Variants in FOXP2 observed in about 807,000 individuals in gnomAD.
The protein encoded by FOXP2 is forkhead box protein P2.
A neutral mutation model predicts 115.8 loss-of-function variants in FOXP2; 12 were observed. That is an observed-to-expected ratio of 0.10 (90% confidence interval 0.07 to 0.17). The LOEUF (loss-of-function observed/expected upper bound fraction) is 0.17. Ranked by LOEUF, FOXP2 falls within the 10% of genes least tolerant of loss-of-function variation. The probability of loss-of-function intolerance (pLI) is 1.00; values close to 1 mark genes in which losing one functional copy is unlikely to be tolerated. For missense variants in FOXP2, 629 were observed against 843.5 expected (o/e 0.75, Z 3.15); for synonymous variants, 328 against 297.7 (o/e 1.10, Z -1.05).
chr7:114,198,587 G>T (rs1041959626), intron 1 of FOXP2, among the ~76,000 whole-genome samples: 3 of 152,210 alleles, frequency 2.0e-5, no homozygotes, highest in African/African-American at 4.8e-5. Context: ...TGCTGCTGCT[G>T]ATCTGACGGG....
At chr7:114,430,979 AC>A (rs1009438071) in intron 2 of FOXP2, among the ~76,000 whole-genome samples, 9 of 151,854 alleles carry the variant, frequency 5.9e-5, no homozygotes, top group African/African-American at 2.2e-4. Context: ...TTCTATTAAC[AC>A]TTTTTTCATA....
intron 3 of FOXP2, among the ~76,000 whole-genome samples, chr7:114,613,430 C>A (rs1803739275): frequency 6.6e-6 from 1 of 152,012 alleles, no homozygotes; most frequent in African/African-American, 2.4e-5. Context: ...AATCCCAGTA[C>A]TTTAGGAGGC....
intron 1 of FOXP2, among the ~76,000 whole-genome samples, chr7:114,168,734 C>G (rs1408565985): frequency 6.6e-6 from 1 of 152,182 alleles, no homozygotes; most frequent in Non-Finnish European, 1.5e-5. Context: ...GGGAAAACGT[C>G]TCTGTGGCAT....
chr7:114,245,238 C>T (rs543384979), intron 1 of FOXP2, among the ~76,000 whole-genome samples: 2 of 152,200 alleles, frequency 1.3e-5, no homozygotes, highest in South Asian at 2.1e-4. Context: ...TTTTCCTCTG[C>T]AAAGTGAATT....
At chr7:114,201,366 G>C (rs1794060192) in intron 1 of FOXP2, among the ~76,000 whole-genome samples, 1 of 152,124 alleles carries the variant, frequency 6.6e-6, no homozygotes, top group Non-Finnish European at 1.5e-5. Flanking sequence ...AGGAGGCTGA[G>C]GCTGGAGGAT....
intron 16 of FOXP2, among the ~76,000 whole-genome samples, chr7:114,675,303 AAACTT>A (rs1807695630): frequency 6.6e-6 from 1 of 152,134 alleles, no homozygotes; most frequent in Non-Finnish European, 1.5e-5. Context: ...TTTTCCTGTG[AAACTT>A]TGTCTTTGAA....
chr7:114,515,963 T>C (rs988553753), intron 2 of FOXP2, among the ~76,000 whole-genome samples: 72 of 152,244 alleles, frequency 4.7e-4, no homozygotes, highest in Admixed American at 1.2e-3. Flanking sequence ...AGAATCAATA[T>C]CATGAAAATG....
At chr7:114,250,778 C>T (rs552225762) in intron 1 of FOXP2, among the ~76,000 whole-genome samples, 1 of 152,246 alleles carries the variant, frequency 6.6e-6, no homozygotes, top group South Asian at 2.1e-4. Flanking sequence ...GTTTCTTTTG[C>T]TGTGCAGAAG....
intron 2 of FOXP2, among the ~76,000 whole-genome samples, chr7:114,495,623 A>G (rs1797287492): frequency 6.6e-6 from 1 of 150,468 alleles, no homozygotes; most frequent in South Asian, 2.1e-4. Flanking sequence ...CTCTTGCCTC[A>G]GCCTCCTGAG....
intron 16 of FOXP2, among the ~76,000 whole-genome samples, chr7:114,680,336 C>G (rs936601536): frequency 6.6e-6 from 1 of 152,088 alleles, no homozygotes; most frequent in Non-Finnish European, 1.5e-5. Flanking sequence ...GCAATGAATT[C>G]CTGGATTCTG....
chr7:114,126,303 T>C (rs1042823831), intron 1 of FOXP2, among the ~76,000 whole-genome samples: 2 of 152,050 alleles, frequency 1.3e-5, no homozygotes, highest in African/African-American at 4.8e-5. Flanking sequence ...GCATACATAA[T>C]CTCAGTATGA....
At chr7:114,325,313 A>G (rs1214460392) in intron 2 of FOXP2, among the ~76,000 whole-genome samples, 1 of 151,926 alleles carries the variant, frequency 6.6e-6, no homozygotes, top group East Asian at 1.9e-4. Context: ...TTGAAATTCC[A>G]TATAGTCTTC....
intron 2 of FOXP2, among the ~76,000 whole-genome samples, chr7:114,338,976 A>T (rs900427723): frequency 6.6e-5 from 10 of 151,098 alleles, no homozygotes; most frequent in Non-Finnish European, 4.5e-5. Context: ...GGGAGGGTCC[A>T]CAAGGGATGA....
At chr7:114,091,899 C>T (rs992516156) in intron 1 of FOXP2, among the ~76,000 whole-genome samples, 1 of 152,002 alleles carries the variant, frequency 6.6e-6, no homozygotes, top group East Asian at 1.9e-4. Context: ...CTGTACTCAA[C>T]TACTGCTTGA....
chr7:114,521,532 CAAAAA>C (rs34666914), intron 2 of FOXP2, among the ~76,000 whole-genome samples: 1 of 82,082 alleles, frequency 1.2e-5, no homozygotes, highest in Middle Eastern at 7.8e-3. Flanking sequence ...GACACTGTCT[CAAAAA>C]AAAAAAAAAA....
intron 1 of FOXP2, among the ~76,000 whole-genome samples, chr7:114,225,606 G>A (rs182632324): frequency 6.6e-6 from 1 of 151,888 alleles, no homozygotes; most frequent in East Asian, 1.9e-4. Flanking sequence ...CACCATGCCA[G>A]GCTAATTTTT....
At chr7:114,440,416 T>A (rs1005390405) in intron 2 of FOXP2, among the ~76,000 whole-genome samples, 1 of 152,222 alleles carries the variant, frequency 6.6e-6, no homozygotes, top group Non-Finnish European at 1.5e-5. Context: ...CTCATTCATG[T>A]AGCCAGTCAT....
intron 1 of FOXP2, among the ~76,000 whole-genome samples, chr7:114,237,552 C>T (rs1795042632): frequency 6.6e-6 from 1 of 152,002 alleles, no homozygotes; most frequent in African/African-American, 2.4e-5. Flanking sequence ...TGTTTTAGGG[C>T]TCTTGAACCA....
intron 6 of FOXP2, among the ~76,000 whole-genome samples, chr7:114,634,725 A>G (rs1302826091): frequency 6.6e-6 from 1 of 152,114 alleles, no homozygotes; most frequent in African/African-American, 2.4e-5. Flanking sequence ...TATGTAATAT[A>G]TGAATAACAT....
Sources: gnomAD v4.1 joint callset for allele counts (sites outside exome capture counted in the v4.1 genomes callset) on GRCh38, gnomAD v4.1.1 for gene constraint, MANE v1.5 for transcripts, NCBI Gene and HGNC (gene_info 2026-07-23, HGNC 2026-07-21) for gene names.